Variants in HSPA12A observed in about 807,000 individuals in gnomAD.
The protein encoded by HSPA12A is heat shock protein family A (Hsp70) member 12A, also known as heat shock 70 kDa protein 12A.
Under a neutral mutation model 69.2 loss-of-function variants are expected in HSPA12A, and 28 were observed. That is an observed-to-expected ratio of 0.40 (90% CI 0.30 to 0.55). HSPA12A has a LOEUF of 0.55. Ranked by LOEUF, HSPA12A falls within the 20% of genes least tolerant of loss-of-function variation. The probability of loss-of-function intolerance (pLI) is 0.38; values close to 1 mark genes in which losing one functional copy is unlikely to be tolerated. For synonymous variants in HSPA12A, 345 were observed against 370.5 expected (o/e 0.93, Z 0.79); for missense variants, 686 against 900.7 (o/e 0.76, Z 3.05).
intron 2 of HSPA12A, among the ~76,000 whole-genome samples, chr10:116,706,298 G>A (rs1465571427): frequency 5.3e-5 from 8 of 151,270 alleles, no homozygotes; most frequent in South Asian, 2.1e-4. Context: ...AATGCCACCC[G>A]CCTGGCCTCT....
intron 1 of HSPA12A, among the ~76,000 whole-genome samples, chr10:116,715,301 A>T (rs1465884599): frequency 6.6e-6 from 1 of 152,240 alleles, no homozygotes; most frequent in Non-Finnish European, 1.5e-5. Flanking sequence ...CTTAAAACAC[A>T]CATCAACTCC....
intron 2 of HSPA12A, among the ~76,000 whole-genome samples, chr10:116,776,575 T>C: frequency 6.6e-6 from 1 of 152,140 alleles, no homozygotes; most frequent in Non-Finnish European, 1.5e-5. Context: ...CAAAACAAAA[T>C]GGAAAGCCTA....
intron 5 of HSPA12A, among the ~76,000 whole-genome samples, chr10:116,695,273 A>C (rs2132948161): frequency 6.6e-6 from 1 of 151,682 alleles, no homozygotes; most frequent in African/African-American, 2.4e-5. Context: ...GTCCCCGAAA[A>C]CTCATGTGTT....
intron 1 of HSPA12A, among the ~76,000 whole-genome samples, chr10:116,836,098 A>G (rs1217951465): frequency 6.6e-6 from 1 of 152,200 alleles, no homozygotes; most frequent in African/African-American, 2.4e-5. Flanking sequence ...AATTGAACCG[A>G]ACAGTGCTCA....
intron 2 of HSPA12A, among the ~76,000 whole-genome samples, chr10:116,773,126 C>T (rs1424565685): frequency 6.6e-6 from 1 of 152,200 alleles, no homozygotes; most frequent in Non-Finnish European, 1.5e-5. Flanking sequence ...GTTGACTCCC[C>T]CTGGGCCCTC....
intron 6 of HSPA12A, among the ~76,000 whole-genome samples, chr10:116,688,217 G>A (rs1435831088): frequency 6.6e-6 from 1 of 152,158 alleles, no homozygotes; most frequent in Non-Finnish European, 1.5e-5. Flanking sequence ...TCAGGAGGTA[G>A]CTGCTGAACG....
intron 2 of HSPA12A, among the ~76,000 whole-genome samples, chr10:116,792,613 CAAAAAAAAAA>C (rs56344323): frequency 2.8e-5 from 3 of 108,020 alleles, no homozygotes; most frequent in Admixed American, 2.0e-4. Context: ...CTTGCATCTA[CAAAAAAAAAA>C]AAAAAAAAAA....
chr10:116,707,146 C>T, intron 2 of HSPA12A, 54 bp downstream of exon 2: 1 of 1,292,950 alleles, frequency 7.7e-7, no homozygotes. Context: ...CATGCGCACC[C>T]ATGCGCGCAC....
intron 2 of HSPA12A, among the ~76,000 whole-genome samples, chr10:116,807,226 G>A (rs1845086740): frequency 6.6e-6 from 1 of 151,026 alleles, no homozygotes; most frequent in Non-Finnish European, 1.5e-5. Flanking sequence ...AGGGAGGGAG[G>A]AGAGAGGCCA....
Position 116,673,361 on chromosome 10 carries a change from C to T in HSPA12A, c.*1420G>A, listed in dbSNP as rs554149622. On this transcript the variant is annotated 3_prime_UTR_variant, in exon 12 of 12. Coordinates refer to ENST00000369209, the MANE Select transcript of HSPA12A (RefSeq NM_025015.3). Reference sequence around the variant, plus strand: ...TCTCCAAGCCAGGTGGAGCCCCAATCCCATTGACCAAGAGGGCAAGGTATG... The same window carrying T: ...TCTCCAAGCCAGGTGGAGCCCCAATTCCATTGACCAAGAGGGCAAGGTATG... 1.3e-5 allele frequency: 2 copies of T among 152,212 alleles called. No individual in the cohort carries two copies. The highest frequency in any genetic ancestry group is 4.2e-4 in the South Asian group (2 of 4,810). The allele number at this position is 152,212 out of a possible 1,614,324, so 9.4% of individuals were successfully genotyped here. A position where few individuals can be genotyped will look rare whatever the true frequency, so the allele number is the denominator to read the frequency against.
chr10:116,732,751 A>G (rs1226189339), intron 1 of HSPA12A, among the ~76,000 whole-genome samples: 2 of 152,216 alleles, frequency 1.3e-5, no homozygotes, highest in Non-Finnish European at 2.9e-5. Context: ...CAAGTCATGA[A>G]TTTGTTAACG....
chr10:116,848,568 A>C (rs959035810), intron 1 of HSPA12A, among the ~76,000 whole-genome samples: 1 of 152,208 alleles, frequency 6.6e-6, no homozygotes, highest in African/African-American at 2.4e-5. Context: ...GAGTGGAACA[A>C]GAACACCCTG....
In HSPA12A at chr10:116,674,809, T is replaced by C; in HGVS notation, c.2000A>G (p.Lys667Arg). The change falls in exon 12 of 12, where the codon AAA becomes AGA. Residue 667 changes from lysine (K) to arginine (R), a missense_variant. Coordinates refer to ENST00000369209, the MANE Select transcript of HSPA12A (RefSeq NM_025015.3). Reference protein sequence around the residue: ...AIDIATSKSVKVGIDFLNY With the variant: ...AIDIATSKSVRVGIDFLNY ...GTAATTTAAGAAGTCGATCCCAACTTTGACACTCTTCGAAGTGGCTATATC... is the reference window on the plus strand; with the variant it reads ...GTAATTTAAGAAGTCGATCCCAACTCTGACACTCTTCGAAGTGGCTATATC... The C allele has an allele frequency of 1.9e-6, 3 of 1,609,370 alleles. No homozygotes were observed. Among genetic ancestry groups the C allele is most frequent in the Non-Finnish European group, 2.5e-6 (3 of 1,177,442 alleles).
chr10:116,732,387 A>C lies in HSPA12A; in HGVS notation c.40+10043T>G, dbSNP rs770735238. ...GAAAGAAAACTGCCATGTTCCCAAC[A>C]CTTTCCCCTCCTAGACCTAGCAGCA... On this transcript the variant is annotated intron_variant, in intron 1 of 11. Transcript: ENST00000369209. 1.7e-4 allele frequency among the ~76,000 whole-genome samples: 26 copies of C among 151,988 alleles called. 1 individual carries two copies. Among genetic ancestry groups the C allele is most frequent in the Non-Finnish European group, 7.4e-5 (5 of 67,918 alleles).
chr10:116,681,382 G>T, intron 8 of HSPA12A, 126 bp from the exon 9 acceptor site: 2 of 717,178 alleles, frequency 2.8e-6, no homozygotes, highest in Non-Finnish European at 2.5e-6. Context: ...CAATGGTTTT[G>T]CTAATTAGCA....
At chr10:116,760,605 T>C (rs549850266) in intron 2 of HSPA12A, among the ~76,000 whole-genome samples, 116 of 152,312 alleles carry the variant, frequency 7.6e-4, no homozygotes, top group African/African-American at 2.7e-3. Flanking sequence ...CAAGTCCCCA[T>C]GTACTTGCTC....
chr10:116,798,416 A>C (rs1323474654), intron 2 of HSPA12A, among the ~76,000 whole-genome samples: 1 of 152,200 alleles, frequency 6.6e-6, no homozygotes, highest in Non-Finnish European at 1.5e-5. Context: ...CATGTCTGCC[A>C]CTTAACCTCG....
At position 116,696,002 on chromosome 10, in the gene HSPA12A, CAAA is replaced by C. The variant is rs71013609; in HGVS notation, c.546+2630_546+2632del. On this transcript the variant is annotated intron_variant, in intron 5 of 11. Coordinates refer to ENST00000369209, the MANE Select transcript of HSPA12A (RefSeq NM_025015.3). The stretch of plus-strand genomic sequence containing the variant: ...TGGGCAACAGAGAGAGACTCCATCT[CAAA>C]AAAAAAAAAAAAAAAAAAGGCTTGC... Among the ~76,000 whole-genome samples the C allele has an allele frequency of 7.9e-4, 26 of 32,724 alleles. 1 individual carries two copies. The Admixed American group carries it at 8.8e-3, about 11-fold the overall frequency. The allele number at this position is 32,724 out of a possible 152,430, so 21.5% of individuals were successfully genotyped here.
chr10:116,723,446 C>T lies in HSPA12A; in HGVS notation c.41-16161G>A, dbSNP rs1417405293. On this transcript the variant is annotated intron_variant, in intron 1 of 11. Transcript: ENST00000369209. This position sits in a 1 kb window ranked among gnomAD's most constrained non-coding sequence, Gnocchi z 4.1. ...GACGGGGCTGAGGACCCCGAATGAG[C>T]TGGGTTCTGGGGCAACACCCAGTTC... 1.3e-5 allele frequency among the ~76,000 whole-genome samples: 2 copies of T among 152,162 alleles called. No homozygotes were observed. The highest frequency in any genetic ancestry group is 1.3e-4 in the Admixed American group (2 of 15,284).
Sources: allele counts gnomAD v4.1 joint callset (sites outside exome capture counted in the v4.1 genomes callset), GRCh38; gene constraint gnomAD v4.1.1; non-coding constraint Gnocchi (gnomAD v3.1); transcripts MANE v1.5; gene names NCBI Gene and HGNC (gene_info 2026-07-23, HGNC 2026-07-21).